STX3: variants seen among roughly 807,000 people sequenced by gnomAD.
STX3 encodes syntaxin 3.
Under a neutral mutation model 40.2 loss-of-function variants are expected in STX3, and 19 were observed. That is an observed-to-expected ratio of 0.47 (90% CI 0.33 to 0.69). The LOEUF (loss-of-function observed/expected upper bound fraction) is 0.69. STX3 is among the 30% of genes least tolerant of loss of function. The pLI is 0.02. For synonymous variants in STX3, 122 were observed against 132.2 expected, an observed-to-expected ratio of 0.92 and a Z score of 0.53; for missense variants, 364 against 366.7, an observed-to-expected ratio of 0.99 and a Z score of 0.06.
chr11:59,803,106 TG>T lies in STX3; in HGVS notation c.*2283del. ...AGATCCATCTCCTTTTTCCTTCTGT[TG>T]CTCTCTTCCTTCACACCCTCTTCCA... On this transcript the variant is annotated 3_prime_UTR_variant, in exon 11 of 11. Transcript: ENST00000337979. The T allele has an allele frequency of 8.1e-6, 10 of 1,229,076 alleles. No individual in the cohort carries two copies. The highest frequency in any genetic ancestry group is 1.0e-5 in the Non-Finnish European group (10 of 986,618). 76.1% of individuals were successfully genotyped at this position (1,229,076 alleles called of 1,614,324 possible).
At chr11:59,784,157 C>A (rs1183752402) in intron 2 of STX3, among the ~76,000 whole-genome samples, 1 of 152,146 alleles carries the variant, frequency 6.6e-6, no homozygotes, top group Non-Finnish European at 1.5e-5. Context: ...TGTGCTTCTA[C>A]CATTGACTGA....
rs1866019477 is a variant in STX3, at chr11:59,804,894, G to GTA, written c.*4072_*4073dup. On this transcript the variant is annotated 3_prime_UTR_variant, in exon 11 of 11. Coordinates refer to ENST00000337979, the MANE Select transcript of STX3 (RefSeq NM_004177.5). ...CTAGCTGAAACTGCTGGCCAGTAAC[G>GTA]TATGTATAAGAAACTGTTATAGGCC... The GTA allele has an allele frequency of 6.6e-6, 1 of 152,004 alleles. No homozygotes were observed. Among genetic ancestry groups the GTA allele is most frequent in the Non-Finnish European group, 1.5e-5 (1 of 68,010 alleles). The allele number at this position is 152,004 out of a possible 1,614,324, so 9.4% of individuals were successfully genotyped here.
chr11:59,795,316 T>G (rs1013896256), intron 8 of STX3, 56 bp from the exon 9 acceptor site: 5 of 1,421,364 alleles, frequency 3.5e-6, no homozygotes, highest in Non-Finnish European at 4.9e-6. Flanking sequence ...TTCCCCGCAT[T>G]GGCTAGGACT....
intron 5 of STX3, among the ~76,000 whole-genome samples, chr11:59,790,926 T>A (rs1383905720): frequency 1.3e-5 from 2 of 152,206 alleles, no homozygotes; most frequent in Non-Finnish European, 2.9e-5. Flanking sequence ...AGCTAGGCAC[T>A]TTAGGGGTCA....
At position 59,771,403 on chromosome 11, in the gene STX3, T is replaced by TCC. The variant is rs1367914976; in HGVS notation, c.31-1799_31-1798dup. On this transcript the variant is annotated intron_variant, in intron 1 of 10. Coordinates refer to ENST00000337979, the MANE Select transcript of STX3 (RefSeq NM_004177.5). ...TAAATTTGCCCCCCGTCCCCCCACC[T>TCC]CCCCCCCCCCGCCCGCCCACAGAAT... Among the ~76,000 whole-genome samples the TCC allele has an allele frequency of 8.1e-4, 28 of 34,672 alleles. 1 individual carries two copies. Among genetic ancestry groups the TCC allele is most frequent in the East Asian group, 3.0e-3 (2 of 670 alleles). 22.7% of individuals were successfully genotyped at this position (34,672 alleles called of 152,430 possible). A position where few individuals can be genotyped will look rare whatever the true frequency, so the allele number is the denominator to read the frequency against.
chr11:59,790,522 T>C lies in STX3; in HGVS notation c.293T>C (p.Met98Thr). Residue 98 changes from methionine (M) to threonine (T), a missense_variant, in exon 5 of 11, where the codon ATG (methionine) becomes ACG (threonine). Transcript: ENST00000337979. ...ATAACCTTCCTCTCCTCTTTAGGCA[T>C]GGAGAAGCATATTGAAGAAGATGAG... ...ANNVRNKLKS[M>T]EKHIEEDEVR... is the part of the protein sequence containing the mutation. The C allele has an allele frequency of 6.2e-7, 1 of 1,613,268 alleles. No individual in the cohort carries two copies. Among genetic ancestry groups the C allele is most frequent in the Non-Finnish European group, 8.5e-7 (1 of 1,179,224 alleles).
chr11:59,781,964 T>C (rs939952655), intron 2 of STX3, among the ~76,000 whole-genome samples: 7 of 152,202 alleles, frequency 4.6e-5, no homozygotes, highest in African/African-American at 1.7e-4. Context: ...CAATTAATGC[T>C]CAACTAGAGG....
Position 59,802,610 on chromosome 11 carries a change from T to C in STX3, c.*1786T>C, listed in dbSNP as rs534967817. 1.2e-4 allele frequency: 115 copies of C among 985,858 alleles called. No homozygotes were observed. The Middle Eastern group carries it at 1.6e-3, about 13-fold the overall frequency. 61.1% of individuals were successfully genotyped at this position (985,858 alleles called of 1,614,324 possible). A position where few individuals can be genotyped will look rare whatever the true frequency, so the allele number is the denominator to read the frequency against. On this transcript the variant is annotated 3_prime_UTR_variant, in exon 11 of 11. Transcript: ENST00000337979. ...GGGGCTTACAGTTTGGAATACAACA[T>C]GTGAAGGTTTTTGTTGTTGTTTGTA...
intron 2 of STX3, among the ~76,000 whole-genome samples, chr11:59,777,917 A>G (rs1303852357): frequency 6.6e-6 from 1 of 152,214 alleles, no homozygotes; most frequent in Non-Finnish European, 1.5e-5. Context: ...ACTGCAGGCT[A>G]GAATCTTGTA....
At chr11:59,763,773 T>C (rs529422926) in intron 1 of STX3, among the ~76,000 whole-genome samples, 86 of 152,316 alleles carry the variant, frequency 5.6e-4, no homozygotes, top group African/African-American at 2.0e-3. Flanking sequence ...ATCCTAGCAC[T>C]TTGGGAGGCC....
At chr11:59,758,352 G>A (rs537568106) in intron 1 of STX3, among the ~76,000 whole-genome samples, 20 of 152,190 alleles carry the variant, frequency 1.3e-4, no homozygotes, top group South Asian at 6.2e-4. Flanking sequence ...AAGAATGTGT[G>A]GTTTTATAAA....
chr11:59,795,598 A>G, intron 9 of STX3, 116 bp downstream of exon 9: 1 of 1,543,024 alleles, frequency 6.5e-7, no homozygotes, highest in Non-Finnish European at 8.7e-7. Context: ...GCATCTGGGG[A>G]AAGGGATCCA....
chr11:59,786,983 C>A, intron 2 of STX3, 54 bp from the exon 3 acceptor site: 2 of 1,496,886 alleles, frequency 1.3e-6, no homozygotes, highest in Admixed American at 1.7e-5. Context: ...TTATCTCAGC[C>A]ATGGACCTGT....
chr11:59,783,155 G>T (rs914587793), intron 2 of STX3, among the ~76,000 whole-genome samples: 12 of 152,136 alleles, frequency 7.9e-5, no homozygotes, highest in African/African-American at 2.9e-4. Flanking sequence ...CTTTCTATAG[G>T]GAGCGGTGGT....
intron 2 of STX3, among the ~76,000 whole-genome samples, chr11:59,776,854 G>A (rs564205748): frequency 5.3e-5 from 8 of 152,280 alleles, no homozygotes; most frequent in South Asian, 2.1e-4. Context: ...AATGATAAAC[G>A]CCACATTTTT....
At chr11:59,759,106 T>C (rs949785819) in intron 1 of STX3, among the ~76,000 whole-genome samples, 1 of 152,194 alleles carries the variant, frequency 6.6e-6, no homozygotes, top group Non-Finnish European at 1.5e-5. Context: ...AATCTGACCT[T>C]TTCAGATATG....
At chr11:59,789,988 G>A (rs1865021699) in intron 4 of STX3, among the ~76,000 whole-genome samples, 1 of 152,106 alleles carries the variant, frequency 6.6e-6, no homozygotes, top group Admixed American at 6.5e-5. Flanking sequence ...GCATGCTATT[G>A]ATCAGAAGAG....
chr11:59,769,355 G>A (rs568260011), intron 1 of STX3, among the ~76,000 whole-genome samples: 3 of 152,132 alleles, frequency 2.0e-5, no homozygotes, highest in Non-Finnish European at 4.4e-5. Flanking sequence ...TCTTTTCAGC[G>A]GGGCAGCGGG....
chr11:59,773,446 A>G (rs1863772117), intron 2 of STX3, 152 bp downstream of exon 2: 2 of 659,748 alleles, frequency 3.0e-6, no homozygotes, highest in Non-Finnish European at 5.1e-6. Flanking sequence ...TTAAAATAAC[A>G]TTATTTTCAA....
Sources: gnomAD v4.1 joint callset for allele counts (sites outside exome capture counted in the v4.1 genomes callset) on GRCh38, gnomAD v4.1.1 for gene constraint, MANE v1.5 for transcripts, NCBI Gene and HGNC (gene_info 2026-07-23, HGNC 2026-07-21) for gene names.